Variants in CFAP44 observed in about 807,000 individuals in gnomAD.
The protein encoded by CFAP44 is cilia- and flagella-associated protein 44.
CFAP44 carries 134 observed loss-of-function variants against 216.2 expected under a neutral mutation model. The ratio of observed to expected loss-of-function variants is 0.62; its 90% CI spans 0.54 to 0.72. The LOEUF (loss-of-function observed/expected upper bound fraction) is 0.72. CFAP44 is among the 30% of genes least tolerant of loss of function. The probability of loss-of-function intolerance (pLI) is 0.00; values close to 1 mark genes in which losing one functional copy is unlikely to be tolerated. For missense variants in CFAP44, 2,035 were observed against 2,182.1 expected, an observed-to-expected ratio of 0.93 and a Z score of 1.34; for synonymous variants, 700 against 727.6, an observed-to-expected ratio of 0.96 and a Z score of 0.61.
At chr3:113,422,477 G>A (rs932936237) in intron 4 of CFAP44, among the ~76,000 whole-genome samples, 4 of 152,164 alleles carry the variant, frequency 2.6e-5, no homozygotes, top group African/African-American at 9.7e-5. Flanking sequence ...AACTGAAAGA[G>A]AGAGATAAAG....
intron 24 of CFAP44, among the ~76,000 whole-genome samples, chr3:113,334,238 T>C (rs1950263699): frequency 6.6e-6 from 1 of 152,142 alleles, no homozygotes; most frequent in African/African-American, 2.4e-5. Flanking sequence ...GTGTGAGCCA[T>C]CATGCCCAGA....
rs1414503742 is a variant in CFAP44 at position 113,291,511 on chromosome 3, G to C, written c.*46C>G. On this transcript the variant is annotated 3_prime_UTR_variant, in exon 35 of 35. Coordinates refer to ENST00000393845, the MANE Select transcript of CFAP44 (RefSeq NM_001164496.2). ...AGGTGATGAGGAGACAGAACTTCCA[G>C]TGAGTTATGTCAGAAATCTTGTATG... 1 of 1,517,898 alleles carries C rather than the reference G, an allele frequency of 6.6e-7. No individual in the cohort carries two copies. Among genetic ancestry groups the C allele is most frequent in the Admixed American group, 2.0e-5 (1 of 50,074 alleles). The allele number at this position is 1,517,898 out of a possible 1,614,324, so 94.0% of individuals were successfully genotyped here.
intron 22 of CFAP44, among the ~76,000 whole-genome samples, chr3:113,357,280 A>G (rs1950500474): frequency 6.6e-6 from 1 of 152,182 alleles, no homozygotes; most frequent in Non-Finnish European, 1.5e-5. Flanking sequence ...AGCACCTCAG[A>G]GTGTGACCTT....
chr3:113,311,056 T>G (rs1029556304), intron 28 of CFAP44, among the ~76,000 whole-genome samples: 13 of 151,906 alleles, frequency 8.6e-5, no homozygotes, highest in Admixed American at 6.6e-4. Context: ...TCCAACTGAG[T>G]GAAAAAAGAA....
At chr3:113,416,462 A>C in intron 6 of CFAP44, 63 bp downstream of exon 6, 1 of 1,291,620 alleles carries the variant, frequency 7.7e-7, no homozygotes, top group Non-Finnish European at 1.1e-6. Flanking sequence ...AAATAATGTC[A>C]CACCTTCTTC....
At chr3:113,321,501 G>A (rs1464979006) in intron 28 of CFAP44, among the ~76,000 whole-genome samples, 1 of 152,134 alleles carries the variant, frequency 6.6e-6, no homozygotes, top group East Asian at 1.9e-4. Context: ...ATTCAACAAA[G>A]TACTGTAAGT....
At chr3:113,421,803 A>G (rs1352718391) in intron 4 of CFAP44, among the ~76,000 whole-genome samples, 1 of 150,776 alleles carries the variant, frequency 6.6e-6, no homozygotes, top group Non-Finnish European at 1.5e-5. Flanking sequence ...CACAGACACA[A>G]AGACAGGAAC....
chr3:113,366,868 C>T (rs1445419955), intron 18 of CFAP44, among the ~76,000 whole-genome samples: 1 of 152,234 alleles, frequency 6.6e-6, no homozygotes, highest in Non-Finnish European at 1.5e-5. Flanking sequence ...AAATACTGCG[C>T]TTTTCAAAAG....
intron 10 of CFAP44, 59 bp from the exon 11 acceptor site, chr3:113,401,346 A>C: frequency 6.8e-7 from 1 of 1,464,090 alleles, no homozygotes. Context: ...GATTTTTTAA[A>C]TGTTCTTTCT....
Position 113,400,594 on chromosome 3 carries a change from G to A in CFAP44, c.1425C>T (p.Ala475=), listed in dbSNP as rs372458530. The change falls in exon 12 of 35, where the codon GCC becomes GCT. Residue 475 remains alanine (A), a synonymous_variant. Coordinates refer to ENST00000393845, the MANE Select transcript of CFAP44 (RefSeq NM_001164496.2). ...GATAAGTGAGAGGAGAAACAGCCAC[G>A]GCTTCAATAGCTCCAGAATGGAAGG... ...LFSFHSGAIE[A]VAVSPLTYLM... is the part of the protein sequence containing the mutation. The A allele has an allele frequency of 1.6e-4, 262 of 1,610,410 alleles. No individual in the cohort carries two copies. The highest frequency in any genetic ancestry group is 2.0e-4 in the Non-Finnish European group (240 of 1,178,330).
At chr3:113,358,621 G>T (rs1325101283) in intron 22 of CFAP44, 124 bp downstream of exon 22, 8 of 1,245,444 alleles carry the variant, frequency 6.4e-6, no homozygotes, top group Middle Eastern at 2.6e-4. Context: ...GATTCCTTGA[G>T]ATTTCAAGTC....
intron 11 of CFAP44, among the ~76,000 whole-genome samples, chr3:113,400,987 A>G (rs1343068431): frequency 1.3e-5 from 2 of 152,166 alleles, no homozygotes; most frequent in East Asian, 3.8e-4. Context: ...CTATATATTT[A>G]TAAAAACTAT....
At chr3:113,308,798 G>A (rs1950011320) in intron 28 of CFAP44, among the ~76,000 whole-genome samples, 1 of 151,824 alleles carries the variant, frequency 6.6e-6, no homozygotes, top group Non-Finnish European at 1.5e-5. Flanking sequence ...TAGAGACAGG[G>A]TTTCGCCATG....
At chr3:113,382,681 A>T (rs910791228) in intron 15 of CFAP44, among the ~76,000 whole-genome samples, 3 of 152,226 alleles carry the variant, frequency 2.0e-5, no homozygotes, top group African/African-American at 7.2e-5. Flanking sequence ...TAGAAACAAA[A>T]GGGCAAGAGG....
intron 17 of CFAP44, 79 bp from the exon 18 acceptor site, chr3:113,373,635 C>T: frequency 8.1e-7 from 1 of 1,241,282 alleles, no homozygotes; most frequent in Non-Finnish European, 1.1e-6. Flanking sequence ...TTGATTATTT[C>T]AAATTTGAAA....
At chr3:113,401,864 G>A in intron 9 of CFAP44, 125 bp from the exon 10 acceptor site, 1 of 1,054,290 alleles carries the variant, frequency 9.5e-7, no homozygotes, top group Non-Finnish European at 1.3e-6. Context: ...AAGTAACAAT[G>A]AACAAGTGTG....
intron 28 of CFAP44, among the ~76,000 whole-genome samples, chr3:113,320,457 TC>T (rs1314454891): frequency 6.3e-5 from 7 of 110,972 alleles, no homozygotes; most frequent in East Asian, 4.8e-4. Flanking sequence ...ATATATTACA[TC>T]TATATATCAT....
At position 113,302,426 on chromosome 3, in the gene CFAP44, A is replaced by G. The variant is rs146131909; in HGVS notation, c.5077+1490T>C. 1.7e-3 allele frequency among the ~76,000 whole-genome samples: 251 copies of G among 149,440 alleles called. 2 individuals carry two copies. The highest frequency in any genetic ancestry group is 6.0e-3 in the African/African-American group (243 of 40,266). On this transcript the variant is annotated intron_variant, in intron 32 of 34. Coordinates refer to ENST00000393845, the MANE Select transcript of CFAP44 (RefSeq NM_001164496.2). Reference sequence around the variant, plus strand: ...AAAAATTACTATATTAAGATTTAAAACATCTGTATCCAAAGATACACTAGA... The same window carrying G: ...AAAAATTACTATATTAAGATTTAAAGCATCTGTATCCAAAGATACACTAGA...
chr3:113,320,667 G>T (rs1421583706), intron 28 of CFAP44, among the ~76,000 whole-genome samples: 1 of 151,760 alleles, frequency 6.6e-6, no homozygotes, highest in Non-Finnish European at 1.5e-5. Context: ...TAGACTGTCT[G>T]CAAGCTGAGG....
Sources: allele counts gnomAD v4.1 joint callset (sites outside exome capture counted in the v4.1 genomes callset), GRCh38; gene constraint gnomAD v4.1.1; transcripts MANE v1.5; gene names NCBI Gene and HGNC (gene_info 2026-07-23, HGNC 2026-07-21).